The following SPMIP7 variants were observed in gnomAD, a reference collection of about 807,000 sequenced individuals.
The protein encoded by SPMIP7 is sperm microtubule inner protein 7.
At chr7:50,114,971 A>C in the SPMIP7 span, among the ~76,000 whole-genome samples, 482 of 150,736 alleles carry the variant, frequency 3.2e-3, 1 homozygote, top group African/African-American at 0.011. Flanking sequence ...CAGAGGTTGC[A>C]GTGAGCCGAG....
At chr7:50,140,202 T>C in the SPMIP7 span, 2 of 1,445,526 alleles carry the variant, frequency 1.4e-6, no homozygotes, top group Non-Finnish European at 1.8e-6. Context: ...TTTCTCAGTC[T>C]TGTAAAAAAA....
At chr7:50,145,241 T>A in the SPMIP7 span, among the ~76,000 whole-genome samples, 2 of 151,422 alleles carry the variant, frequency 1.3e-5, no homozygotes, top group East Asian at 3.9e-4. Context: ...CCAGCCTGGG[T>A]GACAGAGGCC....
the SPMIP7 span, among the ~76,000 whole-genome samples, chr7:50,145,956 G>T: frequency 6.6e-6 from 1 of 152,006 alleles, no homozygotes. Flanking sequence ...CTCTGAGGAA[G>T]CATTTGCAAA....
At chr7:50,145,333 T>C in the SPMIP7 span, among the ~76,000 whole-genome samples, 1 of 151,322 alleles carries the variant, frequency 6.6e-6, no homozygotes, top group Non-Finnish European at 1.5e-5. Flanking sequence ...ATCCATATTC[T>C]TTGCAAGGGC....
At chr7:50,109,872 G>C in the SPMIP7 span, among the ~76,000 whole-genome samples, 1 of 152,036 alleles carries the variant, frequency 6.6e-6, no homozygotes, top group Non-Finnish European at 1.5e-5. Flanking sequence ...TGATATTGTT[G>C]ATACAACATT....
At chr7:50,156,398 G>A in the SPMIP7 span, among the ~76,000 whole-genome samples, 1 of 151,874 alleles carries the variant, frequency 6.6e-6, no homozygotes, top group Non-Finnish European at 1.5e-5. Context: ...ATCTTCACAC[G>A]GGCATCCCCT....
chr7:50,148,884 C>A, the SPMIP7 span, among the ~76,000 whole-genome samples: 1 of 152,176 alleles, frequency 6.6e-6, no homozygotes, highest in Non-Finnish European at 1.5e-5. Flanking sequence ...CGGTGGCTCA[C>A]GTCTGTAATC....
At chr7:50,126,345 A>G in the SPMIP7 span, among the ~76,000 whole-genome samples, 126,665 of 151,470 alleles carry the variant, frequency 0.84, 53,005 homozygotes, top group East Asian at 0.92. Flanking sequence ...ATTAATACTA[A>G]GTAAAATAGA....
At chr7:50,125,261 C>CACATATATATACACATATAT in the SPMIP7 span, among the ~76,000 whole-genome samples, 4 of 45,128 alleles carry the variant, frequency 8.9e-5, no homozygotes, top group African/African-American at 5.9e-4. Context: ...CATATATATA[C>CACATATATATACACATATAT]ACACATATAT....
chr7:50,113,940 A>G, the SPMIP7 span, among the ~76,000 whole-genome samples: 1 of 152,212 alleles, frequency 6.6e-6, no homozygotes, highest in Non-Finnish European at 1.5e-5. Context: ...AGATATTTAC[A>G]AAGAAACACA....
the SPMIP7 span, among the ~76,000 whole-genome samples, chr7:50,130,203 G>A: frequency 6.6e-6 from 1 of 152,088 alleles, no homozygotes. Flanking sequence ...CATTATAAAG[G>A]TGTATTGATC....
the SPMIP7 span, among the ~76,000 whole-genome samples, chr7:50,110,560 T>G: frequency 7.0e-5 from 10 of 143,796 alleles, no homozygotes; most frequent in African/African-American, 2.0e-4. Context: ...TATGCTTATA[T>G]TTATATATAA....
At chr7:50,111,024 T>A in the SPMIP7 span, among the ~76,000 whole-genome samples, 3 of 144,520 alleles carry the variant, frequency 2.1e-5, no homozygotes, top group African/African-American at 5.0e-5. Flanking sequence ...ATATATAAAA[T>A]GTATATTATA....
At chr7:50,152,154 C>G in the SPMIP7 span, among the ~76,000 whole-genome samples, 7 of 152,068 alleles carry the variant, frequency 4.6e-5, no homozygotes, top group African/African-American at 1.7e-4. Context: ...TCGAGACTAG[C>G]CTGACTAACA....
chr7:50,124,968 G>A, the SPMIP7 span, among the ~76,000 whole-genome samples: 11 of 151,154 alleles, frequency 7.3e-5, no homozygotes, highest in South Asian at 4.2e-4. Flanking sequence ...GCATGGTGGC[G>A]GGTGCCTGTA....
the SPMIP7 span, among the ~76,000 whole-genome samples, chr7:50,100,814 A>AATAAATAAATAAATAC: frequency 2.0e-5 from 2 of 99,772 alleles, no homozygotes; most frequent in Non-Finnish European, 4.4e-5. Flanking sequence ...GCCGTCCAAA[A>AATAAATAAATAAATAC]ATAAATAAAT....
chr7:50,145,618 G>GTATGTATATA, the SPMIP7 span, among the ~76,000 whole-genome samples: 2 of 27,700 alleles, frequency 7.2e-5, no homozygotes, highest in Middle Eastern at 0.036. Context: ...ATATGTGTGT[G>GTATGTATATA]TATATATATA....
At chr7:50,096,732 A>G in the SPMIP7 span, 12 of 974,956 alleles carry the variant, frequency 1.2e-5, no homozygotes, top group African/African-American at 2.0e-4. Flanking sequence ...AAATTAACAA[A>G]ATTACAATGA....
At chr7:50,097,738 G>T in the SPMIP7 span, among the ~76,000 whole-genome samples, 1 of 149,160 alleles carries the variant, frequency 6.7e-6, no homozygotes, top group Non-Finnish European at 1.5e-5. Context: ...ATAAGTAAGG[G>T]CCATTTTATG....
Sources: gnomAD v4.1 joint callset for allele counts (sites outside exome capture counted in the v4.1 genomes callset) on GRCh38, gnomAD v4.1.1 for gene constraint, MANE v1.5 for transcripts, NCBI Gene and HGNC (gene_info 2026-07-23, HGNC 2026-07-21) for gene names.